The following C16orf96 variants were observed in gnomAD, a reference collection of about 807,000 sequenced individuals.
C16orf96 encodes the protein uncharacterized protein C16orf96.
Under a neutral mutation model 103.6 loss-of-function variants are expected in C16orf96, and 108 were observed. That is an observed-to-expected ratio of 1.04 (90% confidence interval 0.89 to 1.22). C16orf96 has a LOEUF of 1.22. Ranked by LOEUF, C16orf96 falls within the 50% of genes most tolerant of loss-of-function variation. The probability of loss-of-function intolerance (pLI) is 0.00; values close to 1 mark genes in which losing one functional copy is unlikely to be tolerated. For missense variants in C16orf96, 1,586 were observed against 1,464.2 expected (o/e 1.08, Z -1.36); for synonymous variants, 566 against 593.5 (o/e 0.95, Z 0.67).
At position 4,600,476 on chromosome 16, in the gene C16orf96, C is replaced by G; in HGVS notation, c.*159C>G. The G allele has an allele frequency of 4.6e-6, 2 of 430,350 alleles. No individual in the cohort carries two copies. The highest frequency in any genetic ancestry group is 8.2e-6 in the Non-Finnish European group (2 of 244,096). The allele number at this position is 430,350 out of a possible 1,614,324, so 26.7% of individuals were successfully genotyped here. ...CACCAAGTCCCCTCCATGTCCGAGG[C>G]TGAGGCTCATGCGCCCCCCCCCATC... is the stretch of plus-strand genomic sequence containing the variant. On this transcript the variant is annotated 3_prime_UTR_variant, in exon 16 of 16. Transcript: ENST00000444310.
At chr16:4,556,122 T>A (rs1022188803), upstream of C16orf96, among the ~76,000 whole-genome samples, 1 of 152,298 alleles carries the variant, frequency 6.6e-6, no homozygotes, top group South Asian at 2.1e-4. Flanking sequence ...CCCTTCCATA[T>A]GTGCTTCTAG....
At chr16:4,553,248 T>C (rs531917135), upstream of C16orf96, among the ~76,000 whole-genome samples, 12 of 152,302 alleles carry the variant, frequency 7.9e-5, no homozygotes, top group African/African-American at 2.9e-4. Context: ...GAACATGGGA[T>C]TGATTCACAA....
At position 4,600,648 on chromosome 16, in the gene C16orf96, G is replaced by A; in HGVS notation, c.*331G>A. ...GGATAGAGGGGAGGGGTCTGTGTAG[G>A]GGACCCCCATGCTGACCCAGTGGCT... On this transcript the variant is annotated 3_prime_UTR_variant, in exon 16 of 16. Coordinates refer to ENST00000444310, the MANE Select transcript of C16orf96 (RefSeq NM_001145011.2). The A allele has an allele frequency of 5.3e-6, 2 of 377,378 alleles. No individual in the cohort carries two copies. Among genetic ancestry groups the A allele is most frequent in the South Asian group, 5.5e-5 (2 of 36,366 alleles). 23.4% of individuals were successfully genotyped at this position (377,378 alleles called of 1,614,324 possible). A position where few individuals can be genotyped will look rare whatever the true frequency, so the allele number is the denominator to read the frequency against.
At chr16:4,589,127 G>A (rs1005338228) in intron 9 of C16orf96, among the ~76,000 whole-genome samples, 3 of 152,102 alleles carry the variant, frequency 2.0e-5, no homozygotes, top group African/African-American at 4.8e-5. Flanking sequence ...CTGCACTTAC[G>A]CAGCCAGGAG....
the C16orf96 span, among the ~76,000 whole-genome samples, chr16:4,542,670 C>T: frequency 6.6e-6 from 1 of 151,028 alleles, no homozygotes; most frequent in Non-Finnish European, 1.5e-5. Context: ...TGGTGGCAGG[C>T]GCCTGTAATC....
Position 4,573,994 on chromosome 16 carries a change from T to C in C16orf96, c.526-715T>C, listed in dbSNP as rs941595062. 4.7e-5 allele frequency among the ~76,000 whole-genome samples: 7 copies of C among 149,574 alleles called. No homozygotes were observed. In the South Asian group the frequency reaches 1.5e-3, roughly 32 times the overall value. ...GATTACAGGTGCAAGCCACCACGCC[T>C]AGCTAATTTTTGTGTTTTTAGTGGA... On this transcript the variant is annotated intron_variant, in intron 2 of 15. Coordinates refer to ENST00000444310, the MANE Select transcript of C16orf96 (RefSeq NM_001145011.2).
At chr16:4,565,187 A>C (rs368143439) in intron 1 of C16orf96, among the ~76,000 whole-genome samples, 1 of 152,104 alleles carries the variant, frequency 6.6e-6, no homozygotes, top group African/African-American at 2.4e-5. Flanking sequence ...GAGAGAGAGC[A>C]GGTTTGGACA....
chr16:4,549,370 G>A, the C16orf96 span, among the ~76,000 whole-genome samples: 1 of 151,922 alleles, frequency 6.6e-6, no homozygotes, highest in Non-Finnish European at 1.5e-5. Context: ...CTGCTCGGGA[G>A]GCTGAGGCAG....
chr16:4,583,344 A>T (rs1896838648), intron 7 of C16orf96, among the ~76,000 whole-genome samples: 1 of 151,936 alleles, frequency 6.6e-6, no homozygotes, highest in Non-Finnish European at 1.5e-5. Context: ...CTAAAAAAAT[A>T]AAAATAAAAA....
At chr16:4,563,496 C>T (rs1227714490) in intron 1 of C16orf96, among the ~76,000 whole-genome samples, 1 of 152,188 alleles carries the variant, frequency 6.6e-6, no homozygotes, top group Non-Finnish European at 1.5e-5. Flanking sequence ...CTCAAGTAAT[C>T]CTCCCACTTC....
intron 7 of C16orf96, among the ~76,000 whole-genome samples, chr16:4,585,644 C>T (rs1049465007): frequency 8.5e-5 from 13 of 152,096 alleles, no homozygotes; most frequent in Non-Finnish European, 1.5e-4. Context: ...GATCAGTTCC[C>T]TGCGGTTGCT....
upstream of C16orf96, among the ~76,000 whole-genome samples, chr16:4,551,896 G>A (rs1356411370): frequency 6.6e-6 from 1 of 152,066 alleles, no homozygotes; most frequent in Non-Finnish European, 1.5e-5. Flanking sequence ...TTGTCCTGAT[G>A]CTCTCCCTCC....
In C16orf96 at chr16:4,575,930, C is replaced by T. The variant is rs185475621; in HGVS notation, c.1450C>T (p.Arg484Cys). The change falls in exon 5 of 16, where the codon CGC becomes TGC. Residue 484 changes from arginine to cysteine, a missense_variant. By Grantham distance (180) the Arg-to-Cys change is radical. Transcript: ENST00000444310. ...GGATGGGGCCCCCAAGGATAGAACT[C>T]GCAAGGATGGGGTCCCCAAAGATAG... ...RKDGAPKDRT[R>C]KDGVPKDRGG... The T allele has an allele frequency of 3.5e-3, 5,421 of 1,536,462 alleles. 42 individuals carry two copies. The highest frequency in any genetic ancestry group is 0.022 in the Middle Eastern group (132 of 5,874).
At chr16:4,581,985 A>G (rs1389503748) in intron 7 of C16orf96, among the ~76,000 whole-genome samples, 2 of 151,994 alleles carry the variant, frequency 1.3e-5, no homozygotes, top group Admixed American at 6.6e-5. Context: ...AGCAAAAAGC[A>G]AAAAACTCAC....
chr16:4,573,179 T>C (rs1429154623), intron 2 of C16orf96, among the ~76,000 whole-genome samples: 1 of 152,146 alleles, frequency 6.6e-6, no homozygotes, highest in Non-Finnish European at 1.5e-5. Flanking sequence ...GTCTCACGCC[T>C]GTAATCCCAG....
rs1383363080 is a variant in C16orf96, at chr16:4,587,052, A to G, written c.2366A>G (p.Gln789Arg). Residue 789 changes from glutamine to arginine, a missense_variant, in exon 8 of 16, where the codon CAA (glutamine) becomes CGA (arginine). Transcript: ENST00000444310. ...RMDEFKTLQA[Q>R]IKRLEMNKVN... ...TTCTGTTCTTAGACTCTCCAGGCTC[A>G]AATCAAAAGACTGGAAATGAACAAG... 2 of 1,551,484 alleles carry G rather than the reference A, an allele frequency of 1.3e-6. No individual in the cohort carries two copies.
At chr16:4,584,026 C>G (rs1336295140) in intron 7 of C16orf96, among the ~76,000 whole-genome samples, 4 of 151,662 alleles carry the variant, frequency 2.6e-5, no homozygotes, top group Non-Finnish European at 5.9e-5. Context: ...TACTCCACAA[C>G]CAGTGTTAGG....
chr16:4,557,656 A>G (rs779901300), intron 1 of C16orf96, among the ~76,000 whole-genome samples: 3 of 152,038 alleles, frequency 2.0e-5, no homozygotes, highest in Non-Finnish European at 4.4e-5. Flanking sequence ...GGCTAATTGT[A>G]CATTATGTGA....
chr16:4,575,287 G>C lies in C16orf96; in HGVS notation c.807G>C (p.Glu269Asp). 6.4e-7 allele frequency: 1 copy of C among 1,550,872 alleles called. No homozygotes were observed. The highest frequency in any genetic ancestry group is 1.7e-4 in the Middle Eastern group (1 of 5,992). ...LEATRAIQVS[E>D]PVQNPQLLQT... ...CTACTCGTGCCATCCAGGTCTCCGA[G>C]CCCGTCCAAAACCCCCAGCTACTGC... Residue 269 changes from glutamate (E) to aspartate (D), a missense_variant, in exon 5 of 16, where the codon GAG becomes GAC. Coordinates refer to ENST00000444310, the MANE Select transcript of C16orf96 (RefSeq NM_001145011.2).
Sources: allele counts gnomAD v4.1 joint callset (sites outside exome capture counted in the v4.1 genomes callset), GRCh38; gene constraint gnomAD v4.1.1; transcripts MANE v1.5; gene names NCBI Gene and HGNC (gene_info 2026-07-23, HGNC 2026-07-21).